The following RIC1 variants were observed in gnomAD, a reference collection of about 807,000 sequenced individuals.
RIC1 encodes RIC1 partner of RAB6A GEF complex, also known as guanine nucleotide exchange factor subunit RIC1.
RIC1 carries 88 observed loss-of-function variants against 169.0 expected under a neutral mutation model. The ratio of observed to expected loss-of-function variants is 0.52; its 90% CI spans 0.44 to 0.62. RIC1 has a LOEUF of 0.62. RIC1 is among the 20% of genes least tolerant of loss of function. The pLI is 0.00. For missense variants in RIC1, 1,877 were observed against 1,725.5 expected (o/e 1.09, Z -1.56); for synonymous variants, 790 against 601.5 (o/e 1.31, Z -4.59).
intron 7 of RIC1, among the ~76,000 whole-genome samples, chr9:5,735,263 T>C (rs1824629003): frequency 6.6e-6 from 1 of 152,068 alleles, no homozygotes; most frequent in South Asian, 2.1e-4. Flanking sequence ...GGAAGCTAGT[T>C]CTTGTTGAGC....
At chr9:5,738,039 C>T (rs1228545706) in intron 7 of RIC1, among the ~76,000 whole-genome samples, 1 of 151,960 alleles carries the variant, frequency 6.6e-6, no homozygotes, top group African/African-American at 2.4e-5. Flanking sequence ...CCATGTTGTT[C>T]AAGGGTTAAC....
intron 14 of RIC1, 91 bp from the exon 15 acceptor site, chr9:5,754,750 C>A (rs1001027350): frequency 4.0e-6 from 3 of 745,194 alleles, no homozygotes; most frequent in South Asian, 2.5e-5. Flanking sequence ...ATAATTTGAG[C>A]TTTGTCTGGG....
At chr9:5,677,012 G>T (rs186603749) in intron 2 of RIC1, among the ~76,000 whole-genome samples, 1 of 152,346 alleles carries the variant, frequency 6.6e-6, no homozygotes, top group African/African-American at 2.4e-5. Context: ...TTGTATGGAT[G>T]CGTATTTCCT....
Position 5,711,569 on chromosome 9 carries a change from T to TTA in RIC1, c.333-2313_333-2312dup, listed in dbSNP as rs3068559. On this transcript the variant is annotated intron_variant, in intron 3 of 25. Coordinates refer to ENST00000414202, the MANE Select transcript of RIC1 (RefSeq NM_020829.4). ...GTTTGTTTTCCTTTTTATCTTTATTTTATATATATATATATTTTTATTATA... is the reference window on the plus strand; with the variant it reads ...GTTTGTTTTCCTTTTTATCTTTATTTTATATATATATATATATTTTTATTATA... Among the ~76,000 whole-genome samples the TTA allele has an allele frequency of 8.3e-3, 1,244 of 149,898 alleles. 12 individuals are homozygous for TTA. The highest frequency in any genetic ancestry group is 0.028 in the South Asian group (132 of 4,790).
intron 1 of RIC1, among the ~76,000 whole-genome samples, chr9:5,651,055 GCTCT>G (rs916328107): frequency 2.6e-5 from 4 of 152,174 alleles, no homozygotes; most frequent in African/African-American, 9.7e-5. Context: ...CCCAGTGTGA[GCTCT>G]CTCTCTGGAG....
At position 5,637,051 on chromosome 9, in the gene RIC1, A is replaced by AT. The variant is rs559563828; in HGVS notation, c.144+7605dup. ...AGAACACAGTAGGTATATATTTATGATTTTTTTGTTTGTTTGTTTGTTTTT... is the reference window on the plus strand; with the variant it reads ...AGAACACAGTAGGTATATATTTATGATTTTTTTTGTTTGTTTGTTTGTTTTT... On this transcript the variant is annotated intron_variant, in intron 1 of 25. Transcript: ENST00000414202. Among the ~76,000 whole-genome samples the AT allele has an allele frequency of 7.3e-4, 110 of 151,676 alleles. 1 individual carries two copies. Among genetic ancestry groups the AT allele is most frequent in the African/African-American group, 1.8e-3 (73 of 41,356 alleles).
intron 1 of RIC1, among the ~76,000 whole-genome samples, chr9:5,642,852 T>C (rs1259957595): frequency 1.3e-5 from 2 of 152,252 alleles, no homozygotes; most frequent in African/African-American, 4.8e-5. Flanking sequence ...TTATTTCTCA[T>C]TCATGACTTT....
At chr9:5,677,768 T>A (rs536712856) in intron 2 of RIC1, among the ~76,000 whole-genome samples, 5 of 152,294 alleles carry the variant, frequency 3.3e-5, no homozygotes, top group Admixed American at 2.0e-4. Context: ...CTTATAGCAT[T>A]ATATGTAAAT....
chr9:5,634,640 G>A (rs1817882291), intron 1 of RIC1, among the ~76,000 whole-genome samples: 1 of 152,050 alleles, frequency 6.6e-6, no homozygotes, highest in African/African-American at 2.4e-5. Flanking sequence ...TGTATGGTTT[G>A]CAGATATTTT....
chr9:5,680,622 T>C (rs1390327946), intron 2 of RIC1, among the ~76,000 whole-genome samples: 1 of 152,168 alleles, frequency 6.6e-6, no homozygotes, highest in Non-Finnish European at 1.5e-5. Flanking sequence ...CTAGATTTTC[T>C]AGTTTATTTG....
intron 10 of RIC1, among the ~76,000 whole-genome samples, chr9:5,744,562 C>G (rs1408457060): frequency 6.6e-6 from 1 of 152,048 alleles, no homozygotes; most frequent in African/African-American, 2.4e-5. Flanking sequence ...ACACAGAATT[C>G]CCTTATGTTT....
At chr9:5,680,762 G>A (rs1347376077) in intron 2 of RIC1, among the ~76,000 whole-genome samples, 1 of 150,290 alleles carries the variant, frequency 6.7e-6, no homozygotes, top group East Asian at 2.0e-4. Context: ...AGTCTTGCTA[G>A]CGGTCTATCA....
intron 1 of RIC1, among the ~76,000 whole-genome samples, chr9:5,636,764 A>G (rs117077273): frequency 2.0e-5 from 3 of 152,184 alleles, no homozygotes; most frequent in Non-Finnish European, 2.9e-5. Flanking sequence ...TTTTCTAAAT[A>G]TAAGATTATG....
intron 3 of RIC1, among the ~76,000 whole-genome samples, chr9:5,693,796 T>C (rs1250755465): frequency 6.6e-6 from 1 of 152,150 alleles, no homozygotes; most frequent in Admixed American, 6.5e-5. Context: ...TATGTCATCA[T>C]CATGTATACT....
chr9:5,690,176 C>G (rs769537582), intron 3 of RIC1, 138 bp downstream of exon 3: 6 of 495,870 alleles, frequency 1.2e-5, no homozygotes, highest in African/African-American at 2.0e-5. Flanking sequence ...AAAAAATTAC[C>G]AGGTCTTTGA....
In RIC1 at chr9:5,634,012, GTA is replaced by G. The variant is rs1817850510; in HGVS notation, c.144+4562_144+4563del. On this transcript the variant is annotated intron_variant, in intron 1 of 25. Transcript: ENST00000414202. ...AGTTGTTTTTTGTCTTGCTTACTTA[GTA>G]TACTGTCCTTAAGTTTTGTCCATGT... Among the ~76,000 whole-genome samples, 4 of 151,998 alleles carry G rather than the reference GTA, an allele frequency of 2.6e-5. No homozygotes were observed. The South Asian group carries it at 6.2e-4, about 24-fold the overall frequency.
intron 3 of RIC1, among the ~76,000 whole-genome samples, chr9:5,695,478 A>C (rs1041748869): frequency 6.6e-6 from 1 of 151,690 alleles, no homozygotes; most frequent in African/African-American, 2.4e-5. Context: ...AGTATATTCT[A>C]CCTTGTATGT....
At chr9:5,629,936 C>G (rs1363973283) in intron 1 of RIC1, among the ~76,000 whole-genome samples, 2 of 152,242 alleles carry the variant, frequency 1.3e-5, no homozygotes, top group African/African-American at 4.8e-5. Context: ...TAACTTATTT[C>G]TACAAACTAC....
chr9:5,757,120 C>T (rs1300300499), intron 16 of RIC1, among the ~76,000 whole-genome samples, 193 bp from the exon 17 acceptor site: 1 of 152,180 alleles, frequency 6.6e-6, no homozygotes, highest in Non-Finnish European at 1.5e-5. Flanking sequence ...TTCTTTCTCT[C>T]TCATCCCCAT....
Sources: gnomAD v4.1 joint callset for allele counts (sites outside exome capture counted in the v4.1 genomes callset) on GRCh38, gnomAD v4.1.1 for gene constraint, MANE v1.5 for transcripts, NCBI Gene and HGNC (gene_info 2026-07-23, HGNC 2026-07-21) for gene names.